The following PRCD variants were observed in gnomAD, a reference collection of about 807,000 sequenced individuals.
PRCD encodes photoreceptor disc component.
Under a neutral mutation model 10.1 loss-of-function variants are expected in PRCD, and 12 were observed. The observed-to-expected ratio is 1.18, with a 90% CI of 0.76 to 1.92. The LOEUF (loss-of-function observed/expected upper bound fraction) is 1.92. Ranked by LOEUF, PRCD falls within the 40% of genes most tolerant of loss-of-function variation. The pLI is 0.00. For missense variants in PRCD, 61 were observed against 72.2 expected (o/e 0.84, Z 0.56); for synonymous variants, 31 against 26.2 (o/e 1.18, Z -0.56).
At position 76,544,732 on chromosome 17, in the gene PRCD, C is replaced by T. The variant is rs148776053; in HGVS notation, c.*1082C>T. On this transcript the variant is annotated 3_prime_UTR_variant, in exon 5 of 5. Transcript: ENST00000592014. ...TTCCCGGGACCCAGTCTGTGTTCCC[C>T]GATCCTATCTGCATTTATTCTCTAT... 40 of 456,786 alleles carry T rather than the reference C, an allele frequency of 8.8e-5. No individual in the cohort carries two copies. Among genetic ancestry groups the T allele is most frequent in the Non-Finnish European group, 1.3e-4 (29 of 226,972 alleles). 28.3% of individuals were successfully genotyped at this position (456,786 alleles called of 1,614,324 possible). A position where few individuals can be genotyped will look rare whatever the true frequency, so the allele number is the denominator to read the frequency against.
chr17:76,545,769 C>G (rs928397247), downstream of PRCD: 2 of 226,016 alleles, frequency 8.8e-6, no homozygotes, highest in Non-Finnish European at 8.9e-6. Context: ...GGGTAAGTGT[C>G]CCATATATGT....
At position 76,545,058 on chromosome 17, in the gene PRCD, G is replaced by A. The variant is rs1272965654; in HGVS notation, c.*1408G>A. ...GCAGCTGGGGTGCCATGTGGGCCGG[G>A]TGGGGGGGCTGTCTCCCCCAGGGAG... On this transcript the variant is annotated 3_prime_UTR_variant, in exon 5 of 5. Transcript: ENST00000592014. 2 of 451,732 alleles carry A rather than the reference G, an allele frequency of 4.4e-6. No individual in the cohort carries two copies. Among genetic ancestry groups the A allele is most frequent in the Admixed American group, 2.4e-5 (1 of 42,504 alleles). The allele number at this position is 451,732 out of a possible 1,614,324, so 28.0% of individuals were successfully genotyped here. A position where few individuals can be genotyped will look rare whatever the true frequency, so the allele number is the denominator to read the frequency against.
rs574398905 is a variant in PRCD at position 76,544,092 on chromosome 17, T to C, written c.*442T>C. On this transcript the variant is annotated 3_prime_UTR_variant, in exon 5 of 5. Transcript: ENST00000592014. ...CTCTCTTTTCAATCCTGCATGATCC[T>C]GAGCAGAGATAAAAGCAGATTTCCG... The C allele has an allele frequency of 8.8e-4, 399 of 454,650 alleles. 1 individual carries two copies. The highest frequency in any genetic ancestry group is 6.7e-3 in the African/African-American group (336 of 50,146). 28.2% of individuals were successfully genotyped at this position (454,650 alleles called of 1,614,324 possible).
chr17:76,548,973 GAC>G (rs1369936427), downstream of PRCD, among the ~76,000 whole-genome samples: 1 of 152,172 alleles, frequency 6.6e-6, no homozygotes, highest in Non-Finnish European at 1.5e-5. Flanking sequence ...GTGAGGAGGA[GAC>G]AGAATCAGAG....
rs1598211048 is a variant in PRCD, at chr17:76,540,153, C to G, written c.12C>G (p.Thr4=). The G allele has an allele frequency of 1.2e-6, 2 of 1,605,176 alleles. No homozygotes were observed. Among genetic ancestry groups the G allele is most frequent in the African/African-American group, 1.3e-5 (1 of 74,646 alleles). The part of the protein sequence containing the change: MCT[T]LFLLSTLAML... ...GGGGCAGCTGCGCCATGTGCACCAC[C>G]CTTTTCCTGCTCAGCACCCTGGCCA... The change falls in exon 1 of 5, where the codon ACC becomes ACG. Residue 4 remains threonine (T), a synonymous_variant. Transcript: ENST00000592014. The surrounding 1 kb of genome is among the most constrained non-coding windows in gnomAD (Gnocchi z 5.0).
At chr17:76,550,886 G>A (rs924622917) in intron 1 of PRCD, 2 of 152,246 alleles carry the variant, frequency 1.3e-5, no homozygotes, top group Non-Finnish European at 2.9e-5. Context: ...TGTGCTAAGT[G>A]CCCCGAAGCA....
At chr17:76,529,050 C>A in intron 1 of PRCD, 1 of 445,250 alleles carries the variant, frequency 2.2e-6, no homozygotes, top group Non-Finnish European at 2.9e-6. Context: ...TTGCGCCCCC[C>A]CCCCACCCCC....
chr17:76,543,801 A>C lies in PRCD; in HGVS notation c.*153-2A>C, dbSNP rs1033161853. On this transcript the variant is annotated splice_acceptor_variant, in intron 4 of 4. Transcript: ENST00000592014. LOFTEE classifies it low-confidence loss of function (3UTR_SPLICE). ...GCTTTTGTGTCATTTGCCTTTCCCC[A>C]GTTCCCAGAGCTCATCCTGTCACTG... is the stretch of plus-strand genomic sequence containing the variant. 12 of 470,808 alleles carry C rather than the reference A, an allele frequency of 2.5e-5. No homozygotes were observed. The highest frequency in any genetic ancestry group is 4.8e-5 in the Non-Finnish European group (11 of 227,072). The allele number at this position is 470,808 out of a possible 1,614,324, so 29.2% of individuals were successfully genotyped here.
chr17:76,552,455 TC>T (rs2075116700), intron 1 of PRCD, among the ~76,000 whole-genome samples: 2 of 151,928 alleles, frequency 1.3e-5, no homozygotes, highest in African/African-American at 4.8e-5. Context: ...CTCCTCGGCC[TC>T]CCAAAGTGCT....
upstream of PRCD, chr17:76,538,432 CA>C (rs1598209553): frequency 2.2e-6 from 1 of 457,186 alleles, no homozygotes; most frequent in East Asian, 7.7e-5. Flanking sequence ...TTCCGCCCAG[CA>C]CCTCCATGCC....
At chr17:76,532,796 C>G (rs1054113304) in intron 1 of PRCD, among the ~76,000 whole-genome samples, 2 of 152,004 alleles carry the variant, frequency 1.3e-5, no homozygotes, top group Non-Finnish European at 2.9e-5. Flanking sequence ...CTCAGCCTCC[C>G]AAAGTGCTGG....
At position 76,533,462 on chromosome 17, in the gene PRCD, C is replaced by A. The variant is rs1240891412; in HGVS notation, n.45+5629C>A. On this transcript the variant is annotated intron_variant and non_coding_transcript_variant, in intron 1 of 4. Coordinates refer to the PRCD transcript ENST00000397633. The surrounding 1 kb of genome is among the most constrained non-coding windows in gnomAD (Gnocchi z 4.5). ...TGATATGGCCGGGCACGGTGGCTCACGCCTATAATCCTAGCACTTTACGAG... is the reference window on the plus strand; with the variant it reads ...TGATATGGCCGGGCACGGTGGCTCAAGCCTATAATCCTAGCACTTTACGAG... 6.6e-6 allele frequency among the ~76,000 whole-genome samples: 1 copy of A among 152,182 alleles called. No homozygotes were observed. The highest frequency in any genetic ancestry group is 6.5e-5 in the Admixed American group (1 of 15,284).
chr17:76,534,282 TTCTCCTG>T (rs2074889797), intron 1 of PRCD, among the ~76,000 whole-genome samples: 1 of 152,012 alleles, frequency 6.6e-6, no homozygotes, highest in Non-Finnish European at 1.5e-5. Flanking sequence ...GTTCAAGGGA[TTCTCCTG>T]TCTCAGCCTC....
Position 76,544,196 on chromosome 17 carries a change from C to G in PRCD, c.*546C>G, listed in dbSNP as rs909803223. 2.2e-5 allele frequency: 10 copies of G among 454,432 alleles called. No individual in the cohort carries two copies. The highest frequency in any genetic ancestry group is 1.2e-4 in the African/African-American group (6 of 49,996). The allele number at this position is 454,432 out of a possible 1,614,324, so 28.1% of individuals were successfully genotyped here. On this transcript the variant is annotated 3_prime_UTR_variant, in exon 5 of 5. Transcript: ENST00000592014. The stretch of plus-strand genomic sequence containing the variant: ...CACAGCTATTAGTCTTCAAAAACCC[C>G]CCGTGCCTCTGTGCACACGCGTCTC...
chr17:76,552,546 G>A (rs1413425170), intron 1 of PRCD, among the ~76,000 whole-genome samples: 1 of 151,936 alleles, frequency 6.6e-6, no homozygotes, highest in Non-Finnish European at 1.5e-5. Flanking sequence ...GCCATTGCTT[G>A]TAAGACACAT....
downstream of PRCD, chr17:76,546,393 A>G (rs1181434926): frequency 2.6e-5 from 4 of 151,990 alleles, no homozygotes; most frequent in Non-Finnish European, 5.9e-5. This position sits in a 1 kb window ranked among gnomAD's most constrained non-coding sequence, Gnocchi z 4.5. Context: ...TGGGGTGTAG[A>G]TGTCACCTTG....
At position 76,540,629 on chromosome 17, in the gene PRCD, G is replaced by A. The variant is rs1418575444; in HGVS notation, c.143+56G>A. On this transcript the variant is annotated intron_variant, in intron 2 of 4. Transcript: ENST00000592014. The surrounding 1 kb of genome is among the most constrained non-coding windows in gnomAD (Gnocchi z 5.0). The stretch of plus-strand genomic sequence containing the variant: ...GGGTGCTGCCAAGGAAGCTGTGGCT[G>A]TGCATGCCTGGGGGTGCACGTGTGT... The A allele has an allele frequency of 1.9e-6, 3 of 1,552,720 alleles. No individual in the cohort carries two copies. The highest frequency in any genetic ancestry group is 3.4e-5 in the Admixed American group (2 of 59,242).
At chr17:76,529,047 C>A (rs942701616) in intron 1 of PRCD, 2 of 327,518 alleles carry the variant, frequency 6.1e-6, no homozygotes, top group East Asian at 4.2e-4. Flanking sequence ...TCATTGCGCC[C>A]CCCCCCCACC....
Position 76,530,855 on chromosome 17 carries a change from G to T in PRCD, n.45+3022G>T. 1 of 1,092,212 alleles carries T rather than the reference G, an allele frequency of 9.2e-7. No individual in the cohort carries two copies. Among genetic ancestry groups the T allele is most frequent in the Non-Finnish European group, 1.3e-6 (1 of 779,596 alleles). 67.7% of individuals were successfully genotyped at this position (1,092,212 alleles called of 1,614,324 possible). ...TTCTTACATGTCAGACCCCAGGGTT[G>T]GCCTGCCTCAAGTGTGCCTGCCCAG... is the stretch of plus-strand genomic sequence containing the variant. On this transcript the variant is annotated intron_variant and non_coding_transcript_variant, in intron 1 of 4. Coordinates refer to the PRCD transcript ENST00000397633. The surrounding 1 kb of genome is among the most constrained non-coding windows in gnomAD (Gnocchi z 6.1).
Sources: allele counts gnomAD v4.1 joint callset (sites outside exome capture counted in the v4.1 genomes callset), GRCh38; gene constraint gnomAD v4.1.1; non-coding constraint Gnocchi (gnomAD v3.1); transcripts MANE v1.5; gene names NCBI Gene and HGNC (gene_info 2026-07-23, HGNC 2026-07-21).